Variants in ARMC3 observed in about 807,000 individuals in gnomAD.
ARMC3 encodes the protein armadillo repeat-containing protein 3.
In ARMC3, 74 loss-of-function variants were observed where a neutral mutation model predicts 90.3. That is an observed-to-expected ratio of 0.82 (90% confidence interval 0.68 to 0.99). ARMC3 has a LOEUF of 0.99. Among genes scored for constraint, ARMC3 ranks in the 50% least tolerant of loss-of-function variants. The pLI is 0.00. For synonymous variants in ARMC3, 334 were observed against 361.8 expected (o/e 0.92, Z 0.87); for missense variants, 958 against 1,042.8 (o/e 0.92, Z 1.12).
At chr10:22,979,314 T>A (rs1200761788) in intron 8 of ARMC3, among the ~76,000 whole-genome samples, 1 of 152,222 alleles carries the variant, frequency 6.6e-6, no homozygotes, top group Non-Finnish European at 1.5e-5. Context: ...TCAAGGAAAG[T>A]ATTTGGTTAA....
At chr10:22,987,816 C>T (rs1329507275) in intron 10 of ARMC3, among the ~76,000 whole-genome samples, 1 of 152,134 alleles carries the variant, frequency 6.6e-6, no homozygotes, top group Non-Finnish European at 1.5e-5. Flanking sequence ...TTTTGACTTT[C>T]CATGACAGCA....
At chr10:22,982,672 A>C (rs1256143988) in intron 10 of ARMC3, among the ~76,000 whole-genome samples, 1 of 152,226 alleles carries the variant, frequency 6.6e-6, no homozygotes, top group Non-Finnish European at 1.5e-5. Flanking sequence ...CTTATAAGAC[A>C]GTAAGAATTT....
Position 22,952,465 on chromosome 10 carries a change from A to C in ARMC3, c.167-3342A>C, listed in dbSNP as rs192448180. On this transcript the variant is annotated intron_variant, in intron 3 of 18. Coordinates refer to ENST00000298032, the MANE Select transcript of ARMC3 (RefSeq NM_173081.5). ...GTGGACAATTTTATTTCAAGACATA[A>C]ATTTCCAAGCTCACTAAAAAAAGAC... is the stretch of plus-strand genomic sequence containing the variant. Among the ~76,000 whole-genome samples the C allele has an allele frequency of 5.5e-4, 84 of 152,294 alleles. 2 individuals carry two copies. The highest frequency in any genetic ancestry group is 4.7e-3 in the Admixed American group (72 of 15,292).
At chr10:22,945,208 C>T (rs1199396926) in intron 2 of ARMC3, among the ~76,000 whole-genome samples, 1 of 152,126 alleles carries the variant, frequency 6.6e-6, no homozygotes, top group Non-Finnish European at 1.5e-5. Flanking sequence ...CCATTCTCTA[C>T]CTAAAATGAA....
At chr10:22,980,005 GCTT>G (rs1836112288) in intron 8 of ARMC3, among the ~76,000 whole-genome samples, 1 of 152,126 alleles carries the variant, frequency 6.6e-6, no homozygotes, top group African/African-American at 2.4e-5. Flanking sequence ...ACGTGATACT[GCTT>G]CTGCGAAAAA....
intron 17 of ARMC3, among the ~76,000 whole-genome samples, chr10:23,031,917 CT>C (rs1838937822): frequency 6.6e-6 from 1 of 151,946 alleles, no homozygotes; most frequent in Non-Finnish European, 1.5e-5. Flanking sequence ...CATTGTTCTT[CT>C]TTGCTTGGTT....
rs1305575383 is a variant in ARMC3, at chr10:23,038,377, A to G, written c.*898A>G. On this transcript the variant is annotated 3_prime_UTR_variant, in exon 19 of 19. Coordinates refer to ENST00000298032, the MANE Select transcript of ARMC3 (RefSeq NM_173081.5). ...GTACATATTGCCTAGTCACGCTTAA[A>G]GTCCAGTGTTGACCTGTATAGTCAT... 6.6e-6 allele frequency: 1 copy of G among 152,204 alleles called. No individual in the cohort carries two copies. Among genetic ancestry groups the G allele is most frequent in the Non-Finnish European group, 1.5e-5 (1 of 68,036 alleles). 9.4% of individuals were successfully genotyped at this position (152,204 alleles called of 1,614,324 possible). A position where few individuals can be genotyped will look rare whatever the true frequency, so the allele number is the denominator to read the frequency against.
At chr10:22,974,329 G>A (rs1588867014) in intron 8 of ARMC3, among the ~76,000 whole-genome samples, 1 of 152,174 alleles carries the variant, frequency 6.6e-6, no homozygotes, top group South Asian at 2.1e-4. Context: ...TAGCAATATT[G>A]GGAAATCTTC....
intron 12 of ARMC3, 115 bp downstream of exon 12, chr10:23,002,170 G>A: frequency 7.0e-7 from 1 of 1,424,502 alleles, no homozygotes; most frequent in Non-Finnish European, 9.3e-7. Flanking sequence ...TCAGTCCGCT[G>A]AAGCGCTGCA....
intron 3 of ARMC3, 141 bp downstream of exon 3, chr10:22,946,402 A>G (rs1834527510): frequency 1.8e-6 from 1 of 567,640 alleles, no homozygotes; most frequent in East Asian, 3.1e-5. Flanking sequence ...TATTTAATGC[A>G]TTACCTAAGA....
chr10:22,934,970 C>T (rs963269687), intron 2 of ARMC3, among the ~76,000 whole-genome samples: 5 of 152,224 alleles, frequency 3.3e-5, no homozygotes, highest in East Asian at 1.9e-4. Context: ...TCATGATTTA[C>T]GGTCAGATCT....
chr10:23,018,947 G>A (rs970424994), intron 16 of ARMC3, among the ~76,000 whole-genome samples: 1 of 152,262 alleles, frequency 6.6e-6, no homozygotes, highest in African/African-American at 2.4e-5. Flanking sequence ...TTAGATTTCC[G>A]TGAGTTCCTT....
chr10:23,028,923 T>C (rs1838817256), intron 16 of ARMC3, among the ~76,000 whole-genome samples: 1 of 152,230 alleles, frequency 6.6e-6, no homozygotes, highest in Non-Finnish European at 1.5e-5. Flanking sequence ...TTCTGATTCT[T>C]TGGGGACTTC....
chr10:22,943,933 CAA>C (rs60419884), intron 2 of ARMC3, among the ~76,000 whole-genome samples: 48 of 109,982 alleles, frequency 4.4e-4, no homozygotes, highest in African/African-American at 8.9e-4. Flanking sequence ...GACTCCATCT[CAA>C]AAAAAAAAAA....
chr10:22,950,075 T>G (rs1834684077), intron 3 of ARMC3, among the ~76,000 whole-genome samples: 1 of 152,022 alleles, frequency 6.6e-6, no homozygotes, highest in Non-Finnish European at 1.5e-5. Context: ...ATAATGTTTT[T>G]TTTCCAAATA....
chr10:23,037,598 T>C lies in ARMC3; in HGVS notation c.*119T>C. 2.1e-6 allele frequency: 2 copies of C among 933,368 alleles called. No homozygotes were observed. The highest frequency in any genetic ancestry group is 3.0e-6 in the Non-Finnish European group (2 of 673,186). 57.8% of individuals were successfully genotyped at this position (933,368 alleles called of 1,614,324 possible). A position where few individuals can be genotyped will look rare whatever the true frequency, so the allele number is the denominator to read the frequency against. ...AAACTTTAAATAAAAGTATTAGAAA[T>C]GTTTTCTCTGCGTAGAAATTAGGAA... On this transcript the variant is annotated 3_prime_UTR_variant, in exon 19 of 19. Coordinates refer to ENST00000298032, the MANE Select transcript of ARMC3 (RefSeq NM_173081.5).
At chr10:22,986,204 A>G (rs1368643494) in intron 10 of ARMC3, among the ~76,000 whole-genome samples, 1 of 150,934 alleles carries the variant, frequency 6.6e-6, no homozygotes, top group Non-Finnish European at 1.5e-5. Context: ...CATCTAGAAC[A>G]CTGTCCATCC....
intron 16 of ARMC3, among the ~76,000 whole-genome samples, chr10:23,021,736 T>C (rs975062723): frequency 1.3e-5 from 2 of 152,254 alleles, no homozygotes; most frequent in African/African-American, 2.4e-5. Context: ...CTTTGTTGGA[T>C]ACATAGTTTG....
At chr10:22,986,780 G>A (rs1409434869) in intron 10 of ARMC3, among the ~76,000 whole-genome samples, 1 of 151,980 alleles carries the variant, frequency 6.6e-6, no homozygotes, top group Non-Finnish European at 1.5e-5. Context: ...TTCCCTATAA[G>A]AGCCTCCTAT....
Sources: gnomAD v4.1 joint callset for allele counts (sites outside exome capture counted in the v4.1 genomes callset) on GRCh38, gnomAD v4.1.1 for gene constraint, MANE v1.5 for transcripts, NCBI Gene and HGNC (gene_info 2026-07-23, HGNC 2026-07-21) for gene names.